Variants in PAPPA2 observed in about 807,000 individuals in gnomAD.
PAPPA2 encodes pappalysin-2.
In PAPPA2, 86 loss-of-function variants were observed where a neutral mutation model predicts 176.4. The observed-to-expected ratio is 0.49, with a 90% CI of 0.41 to 0.58. PAPPA2 has a LOEUF of 0.58. Ranked by LOEUF, PAPPA2 falls within the 20% of genes least tolerant of loss-of-function variation. PAPPA2 has a pLI of 0.00. For missense variants in PAPPA2, 2,073 were observed against 2,256.9 expected (o/e 0.92, Z 1.65); for synonymous variants, 809 against 852.2 (o/e 0.95, Z 0.88).
intron 1 of PAPPA2, among the ~76,000 whole-genome samples, chr1:176,485,206 A>G (rs1195746393): frequency 6.6e-6 from 1 of 152,196 alleles, no homozygotes; most frequent in Non-Finnish European, 1.5e-5. Flanking sequence ...AAGATAGATT[A>G]CATCAGTCTT....
intron 14 of PAPPA2, among the ~76,000 whole-genome samples, chr1:176,743,234 G>GA (rs545738586): frequency 5.9e-5 from 9 of 151,722 alleles, no homozygotes; most frequent in South Asian, 2.1e-4. Flanking sequence ...TTATTTTCTG[G>GA]AAAAAAAATG....
chr1:176,794,453 C>T lies in PAPPA2; in HGVS notation c.5130+784C>T, dbSNP rs551351297. Among the ~76,000 whole-genome samples, 8 of 152,290 alleles carry T rather than the reference C, an allele frequency of 5.3e-5. 1 individual carries two copies. In the South Asian group the frequency reaches 6.2e-4, roughly 12 times the overall value. ...AGTTCACTTAGTACAAATCTTACCC[C>T]TTGGAAATATCCTCCATCCCTGAAA... On this transcript the variant is annotated intron_variant, in intron 20 of 22. Coordinates refer to ENST00000367662, the MANE Select transcript of PAPPA2 (RefSeq NM_020318.3).
At chr1:176,637,028 A>T (rs563300375) in intron 3 of PAPPA2, among the ~76,000 whole-genome samples, 1 of 152,228 alleles carries the variant, frequency 6.6e-6, no homozygotes, top group East Asian at 1.9e-4. Context: ...GTACTTCTGA[A>T]AGAGGTAAAA....
intron 1 of PAPPA2, among the ~76,000 whole-genome samples, chr1:176,471,719 T>A (rs1204335675): frequency 6.6e-6 from 1 of 152,240 alleles, no homozygotes; most frequent in Non-Finnish European, 1.5e-5. Context: ...TTTATCTATT[T>A]AAAAATCTTG....
chr1:176,491,296 G>C (rs147152789), intron 1 of PAPPA2, among the ~76,000 whole-genome samples: 2 of 152,278 alleles, frequency 1.3e-5, no homozygotes, highest in Non-Finnish European at 2.9e-5. Context: ...CTATCTGTGT[G>C]GATTAGATGC....
chr1:176,724,858 T>C (rs533357995), intron 12 of PAPPA2, among the ~76,000 whole-genome samples: 3 of 152,244 alleles, frequency 2.0e-5, no homozygotes, highest in Non-Finnish European at 2.9e-5. Flanking sequence ...AAATTCTTAC[T>C]AGAGATATGA....
intron 3 of PAPPA2, among the ~76,000 whole-genome samples, chr1:176,623,758 C>CCTTCCTTT (rs1198828841): frequency 0.03 from 1,760 of 59,022 alleles, 101 homozygotes; most frequent in African/African-American, 0.07. Flanking sequence ...TTCCTTCCTT[C>CCTTCCTTT]CTTTCTTTCT....
At chr1:176,776,376 A>G (rs1057021369) in intron 17 of PAPPA2, among the ~76,000 whole-genome samples, 1 of 152,144 alleles carries the variant, frequency 6.6e-6, no homozygotes, top group African/African-American at 2.4e-5. Context: ...ATAGTGTCAG[A>G]TCTTCTTGTG....
At position 176,765,861 on chromosome 1, in the gene PAPPA2, C is replaced by T. The variant is rs1663941378; in HGVS notation, c.4323+24C>T. 4 of 1,609,600 alleles carry T rather than the reference C, an allele frequency of 2.5e-6. No individual in the cohort carries two copies. In the African/African-American group the frequency reaches 4.0e-5, roughly 16 times the overall value. ...AGGTGAGTTGAAAGAACACTATCAC[C>T]AGGACCAAGTTCCTGGGAAGGGGAG... On this transcript the variant is annotated intron_variant, in intron 15 of 22. Coordinates refer to ENST00000367662, the MANE Select transcript of PAPPA2 (RefSeq NM_020318.3).
chr1:176,643,052 TAAC>T (rs1657188378), intron 3 of PAPPA2, among the ~76,000 whole-genome samples: 1 of 151,878 alleles, frequency 6.6e-6, no homozygotes. Context: ...AATCCAAAAT[TAAC>T]AATAACAAGG....
chr1:176,700,398 G>T (rs561880802), intron 8 of PAPPA2, among the ~76,000 whole-genome samples: 80 of 152,346 alleles, frequency 5.3e-4, no homozygotes, highest in African/African-American at 1.8e-3. Flanking sequence ...TGCTGCATTA[G>T]AAATCATCAC....
intron 3 of PAPPA2, among the ~76,000 whole-genome samples, chr1:176,642,116 C>A (rs921227140): frequency 4.0e-5 from 6 of 151,798 alleles, no homozygotes; most frequent in African/African-American, 9.7e-5. Context: ...AGTGCCCAAG[C>A]CACCCTTCCT....
intron 1 of PAPPA2, among the ~76,000 whole-genome samples, chr1:176,547,594 T>C (rs780232036): frequency 6.6e-6 from 1 of 152,158 alleles, no homozygotes; most frequent in Non-Finnish European, 1.5e-5. Flanking sequence ...TGGTTTGTCA[T>C]TGCTCATTTT....
intron 21 of PAPPA2, among the ~76,000 whole-genome samples, chr1:176,811,054 C>T (rs775314324): frequency 4.6e-5 from 7 of 152,116 alleles, no homozygotes; most frequent in African/African-American, 7.2e-5. Flanking sequence ...ACTGGATAGT[C>T]ACGGATTATT....
intron 1 of PAPPA2, among the ~76,000 whole-genome samples, chr1:176,535,806 TG>T (rs1448883692): frequency 2.6e-5 from 4 of 152,230 alleles, no homozygotes; most frequent in Non-Finnish European, 4.4e-5. Context: ...TTCATATTTT[TG>T]TGAGGAATAT....
Position 176,556,941 on chromosome 1 carries a change from G to A in PAPPA2, c.619G>A (p.Glu207Lys). 6.2e-7 allele frequency: 1 copy of A among 1,614,090 alleles called. No homozygotes were observed. Among genetic ancestry groups the A allele is most frequent in the Non-Finnish European group, 8.5e-7 (1 of 1,180,012 alleles). ...TCGCCAAGTGTGGAAGAGGCGGGCG[G>A]AAGATGGGCAGGGAGACTCCGGTAT... is the stretch of plus-strand genomic sequence containing the variant. ...QRRQVWKRRA[E>K]DGQGDSGISS... The change falls in exon 2 of 23, where the codon GAA becomes AAA. Residue 207 changes from glutamate to lysine, a missense_variant. By Grantham distance (56) the Glu-to-Lys change is moderately conservative (BLOSUM62 1). This residue lies in a region of PAPPA2 where 1,196 missense variants were observed against 1,330.4 expected (regional missense o/e 0.90). Transcript: ENST00000367662.
intron 20 of PAPPA2, among the ~76,000 whole-genome samples, chr1:176,795,343 G>A (rs1277427765): frequency 2.0e-5 from 3 of 152,088 alleles, no homozygotes; most frequent in East Asian, 3.9e-4. Flanking sequence ...TACTCAGGAG[G>A]AGGTGGCTGC....
chr1:176,715,403 T>C (rs1661324394), intron 12 of PAPPA2, among the ~76,000 whole-genome samples: 1 of 152,136 alleles, frequency 6.6e-6, no homozygotes, highest in Non-Finnish European at 1.5e-5. Flanking sequence ...CAAGGAGAGT[T>C]TGACCACCCC....
chr1:176,637,603 A>G (rs371935963), intron 3 of PAPPA2, among the ~76,000 whole-genome samples: 159 of 152,248 alleles, frequency 1.0e-3, no homozygotes, highest in African/African-American at 3.6e-3. Context: ...GTGGGCCTAT[A>G]ATCCTCAAAG....
Sources: gnomAD v4.1 joint callset for allele counts (sites outside exome capture counted in the v4.1 genomes callset) on GRCh38, gnomAD v4.1.1 for gene constraint, gnomAD v4.1.1 regional missense constraint, MANE v1.5 for transcripts, NCBI Gene and HGNC (gene_info 2026-07-23, HGNC 2026-07-21) for gene names.